The following GPC3 variants were observed in gnomAD, a reference collection of about 807,000 sequenced individuals.
The protein encoded by GPC3 is glypican-3.
Under a neutral mutation model 34.4 loss-of-function variants are expected in GPC3, and 3 were observed. That is an observed-to-expected ratio of 0.09 (90% CI 0.04 to 0.23). The LOEUF is 0.23. Ranked by LOEUF, GPC3 falls within the 10% of genes least tolerant of loss-of-function variation. GPC3 has a pLI of 1.00. For missense variants in GPC3, 351 were observed against 445.6 expected, an observed-to-expected ratio of 0.79 and a Z score of 1.91; for synonymous variants, 177 against 174.0, an observed-to-expected ratio of 1.02 and a Z score of -0.13.
At chrX:133,632,112 T>A (rs997900878) in intron 6 of GPC3, among the ~76,000 whole-genome samples, 24 of 110,556 alleles carry the variant, frequency 2.2e-4, no homozygotes, top group Non-Finnish European at 3.6e-4. Flanking sequence ...TTTAAAAAAT[T>A]TTTTTGAGAC....
At chrX:133,930,288 G>A (rs1386004566) in intron 2 of GPC3, among the ~76,000 whole-genome samples, 2 of 111,898 alleles carry the variant, frequency 1.8e-5, no homozygotes, top group Non-Finnish European at 3.8e-5. Flanking sequence ...GTACTCCTGC[G>A]TCTAGTGGGT....
At chrX:133,589,005 T>A (rs1165642645) in intron 7 of GPC3, among the ~76,000 whole-genome samples, 1 of 111,382 alleles carries the variant, frequency 9.0e-6, no homozygotes, top group Non-Finnish European at 1.9e-5. Context: ...CTTTCCCCCA[T>A]AGCACTTGGA....
chrX:133,944,753 C>T (rs775818106), intron 2 of GPC3, among the ~76,000 whole-genome samples: 1 of 112,295 alleles, frequency 8.9e-6, no homozygotes, highest in Non-Finnish European at 1.9e-5. Flanking sequence ...ATATTTCATA[C>T]ATATATATGC....
rs767357122 is a variant in GPC3 at position 133,674,333 on chromosome X, G to A, written c.1293-12483C>T. On this transcript the variant is annotated intron_variant, in intron 5 of 7. Coordinates refer to ENST00000370818, the MANE Select transcript of GPC3 (RefSeq NM_004484.4). The stretch of plus-strand genomic sequence containing the variant: ...CATCCCCACATTGAGAACTTAAGAA[G>A]TGGAAGAGTCTCAGTTCTCTTATTT... 8.9e-5 allele frequency among the ~76,000 whole-genome samples: 10 copies of A among 111,847 alleles called. No individual in the cohort carries two copies. In the East Asian group the frequency reaches 2.8e-3, roughly 32 times the overall value.
intron 7 of GPC3, among the ~76,000 whole-genome samples, chrX:133,541,964 C>T (rs1486582713): frequency 2.7e-5 from 3 of 111,646 alleles, no homozygotes; most frequent in South Asian, 3.8e-4. Flanking sequence ...CTCTAAGTTT[C>T]CTTCTAGTTT....
chrX:133,676,329 C>T (rs2070883778), intron 5 of GPC3, among the ~76,000 whole-genome samples: 1 of 112,286 alleles, frequency 8.9e-6, no homozygotes, highest in Admixed American at 9.4e-5. Flanking sequence ...ACACACTCAG[C>T]AAGTCTTTGC....
intron 7 of GPC3, among the ~76,000 whole-genome samples, chrX:133,543,344 C>T (rs1363273533): frequency 8.9e-6 from 1 of 111,921 alleles, no homozygotes; most frequent in Non-Finnish European, 1.9e-5. Context: ...GTCTCGAACT[C>T]CTGAGCTCAA....
At chrX:133,922,855 C>T (rs930951008) in intron 2 of GPC3, among the ~76,000 whole-genome samples, 1 of 111,057 alleles carries the variant, frequency 9.0e-6, no homozygotes, top group African/African-American at 3.3e-5. Context: ...ATAAAGGTAC[C>T]ACTGCCACCA....
rs138989263 is a variant in GPC3, at chrX:133,625,127, A to G, written c.1414-28528T>C. 1.2e-3 allele frequency among the ~76,000 whole-genome samples: 138 copies of G among 112,021 alleles called. 2 individuals are homozygous for G. The highest frequency in any genetic ancestry group is 4.1e-3 in the African/African-American group (128 of 30,858). ...ATAAAATTCAACAACGCTTCATGCT[A>G]AAAACTCTCAATAAACTAGGTACTG... is the stretch of plus-strand genomic sequence containing the variant. On this transcript the variant is annotated intron_variant, in intron 6 of 7. Transcript: ENST00000370818.
At chrX:133,810,397 A>C (rs1390488542) in intron 2 of GPC3, among the ~76,000 whole-genome samples, 2 of 112,253 alleles carry the variant, frequency 1.8e-5, no homozygotes, top group Non-Finnish European at 3.8e-5. Context: ...AAGACCAAAA[A>C]TGAGTTAACA....
chrX:133,980,323 G>A (rs1001146700), intron 1 of GPC3, among the ~76,000 whole-genome samples: 17 of 112,009 alleles, frequency 1.5e-4, no homozygotes, highest in Non-Finnish European at 2.3e-4. Flanking sequence ...ATAATGTATC[G>A]TAACAATTTG....
At chrX:133,894,462 T>C (rs2076102910) in intron 2 of GPC3, among the ~76,000 whole-genome samples, 1 of 112,116 alleles carries the variant, frequency 8.9e-6, no homozygotes, top group Non-Finnish European at 1.9e-5. Context: ...TGGAAGGGTC[T>C]TTTGGTAACA....
intron 7 of GPC3, among the ~76,000 whole-genome samples, chrX:133,578,929 C>A (rs757243309): frequency 2.4e-4 from 26 of 110,208 alleles, no homozygotes; most frequent in African/African-American, 7.9e-4. Flanking sequence ...AATTTATAGA[C>A]CCTGCTACAG....
intron 5 of GPC3, among the ~76,000 whole-genome samples, chrX:133,692,160 G>A (rs1447393891): frequency 8.9e-6 from 1 of 112,298 alleles, no homozygotes; most frequent in Non-Finnish European, 1.9e-5. Flanking sequence ...TGTTAGGCTG[G>A]TCTCGAACTC....
At chrX:133,973,808 C>T (rs2076503527) in intron 1 of GPC3, among the ~76,000 whole-genome samples, 1 of 111,898 alleles carries the variant, frequency 8.9e-6, no homozygotes, top group Non-Finnish European at 1.9e-5. Context: ...CATATTGTTA[C>T]AGTTTTCATT....
At chrX:133,567,113 G>A (rs996913191) in intron 7 of GPC3, among the ~76,000 whole-genome samples, 15 of 111,910 alleles carry the variant, frequency 1.3e-4, no homozygotes, top group African/African-American at 4.9e-4. Context: ...TCTAAAAAAG[G>A]CATTCTTGTA....
At chrX:133,602,551 C>T (rs945359867) in intron 6 of GPC3, among the ~76,000 whole-genome samples, 1 of 111,493 alleles carries the variant, frequency 9.0e-6, no homozygotes, top group Non-Finnish European at 1.9e-5. Flanking sequence ...ATCCCTGGTC[C>T]GTGGCAAAAT....
chrX:133,800,953 A>G (rs1207486405), intron 2 of GPC3, among the ~76,000 whole-genome samples: 1 of 112,005 alleles, frequency 8.9e-6, no homozygotes, highest in African/African-American at 3.2e-5. Flanking sequence ...CATTTCAAAT[A>G]CTCTAAGCTG....
At position 133,843,762 on chromosome X, in the gene GPC3, C is replaced by G. The variant is rs774258525; in HGVS notation, c.338-89586G>C. On this transcript the variant is annotated intron_variant, in intron 2 of 7. Transcript: ENST00000370818. The stretch of plus-strand genomic sequence containing the variant: ...TAGATAACTATACAAATGGTTACCT[C>G]TCATGAATATAGACAATAATTTAAA... 2.2e-3 allele frequency among the ~76,000 whole-genome samples: 248 copies of G among 111,543 alleles called. 1 individual carries two copies. The highest frequency in any genetic ancestry group is 3.1e-3 in the Non-Finnish European group (163 of 53,102).
Sources: allele counts gnomAD v4.1 joint callset (sites outside exome capture counted in the v4.1 genomes callset), GRCh38; gene constraint gnomAD v4.1.1; transcripts MANE v1.5; gene names NCBI Gene and HGNC (gene_info 2026-07-23, HGNC 2026-07-21).